The following WDPCP variants were observed in gnomAD, a reference collection of about 807,000 sequenced individuals.
The protein encoded by WDPCP is WD repeat containing planar cell polarity effector.
In WDPCP, 71 loss-of-function variants were observed where a neutral mutation model predicts 93.1. That is an observed-to-expected ratio of 0.76 (90% CI 0.63 to 0.93). The LOEUF (loss-of-function observed/expected upper bound fraction) is 0.93. Among genes scored for constraint, WDPCP ranks in the 40% least tolerant of loss-of-function variants. The probability of loss-of-function intolerance (pLI) is 0.00; values close to 1 mark genes in which losing one functional copy is unlikely to be tolerated. For missense variants in WDPCP, 844 were observed against 887.4 expected, an observed-to-expected ratio of 0.95 and a Z score of 0.62; for synonymous variants, 315 against 315.0, an observed-to-expected ratio of 1.00 and a Z score of 0.00.
At position 63,626,975 on chromosome 2, in the gene WDPCP, TA is replaced by T. The variant is rs557315558; in HGVS notation, n.488+23683del. Reference sequence around the variant, plus strand: ...TGTATCCCAGAACTTAAAGCATAATTAAAAAAAAAAAAAGCCCAAGAGAATA... The same window carrying T: ...TGTATCCCAGAACTTAAAGCATAATTAAAAAAAAAAAAGCCCAAGAGAATA... On this transcript the variant is annotated intron_variant and non_coding_transcript_variant, in intron 3 of 4. Coordinates refer to the WDPCP transcript ENST00000467687. 3.4e-3 allele frequency among the ~76,000 whole-genome samples: 451 copies of T among 133,134 alleles called. 2 individuals are homozygous for T. The highest frequency in any genetic ancestry group is 5.8e-3 in the South Asian group (24 of 4,150). 87.3% of individuals were successfully genotyped at this position (133,134 alleles called of 152,430 possible).
intron 12 of WDPCP, among the ~76,000 whole-genome samples, chr2:63,357,794 G>A (rs1282949997): frequency 2.0e-5 from 3 of 152,104 alleles, no homozygotes; most frequent in Non-Finnish European, 4.4e-5. Context: ...CTACCATAAA[G>A]ACACATGCAT....
intron 3 of WDPCP, chr2:63,604,764 G>T (rs536307600): frequency 6.2e-7 from 1 of 1,614,094 alleles, no homozygotes; most frequent in Non-Finnish European, 8.5e-7. Context: ...ACCATTCCTC[G>T]ACTCAGTATC....
At position 63,297,588 on chromosome 2, in the gene WDPCP, A is replaced by T. The variant is rs2103683115; in HGVS notation, c.1812+15660T>A. ...CAAACTACAACAACAAAAAAGAATA[A>T]CAAATATAATGACAATCTCACTGGA... On this transcript the variant is annotated intron_variant, in intron 13 of 17. Transcript: ENST00000272321. Among the ~76,000 whole-genome samples the T allele has an allele frequency of 1.3e-5, 2 of 152,314 alleles. 1 individual carries two copies. The highest frequency in any genetic ancestry group is 4.1e-4 in the South Asian group (2 of 4,822).
At chr2:63,338,012 ATTT>A (rs1688512215) in intron 12 of WDPCP, among the ~76,000 whole-genome samples, 1 of 152,074 alleles carries the variant, frequency 6.6e-6, no homozygotes, top group Admixed American at 6.5e-5. Context: ...AGGTAATCTC[ATTT>A]GTCTATTTTT....
chr2:63,684,430 G>A lies in WDPCP; in HGVS notation n.309-33592C>T. The A allele has an allele frequency of 8.2e-6, 7 of 849,770 alleles. No homozygotes were observed. The South Asian group carries it at 9.3e-5, about 11-fold the overall frequency. 52.6% of individuals were successfully genotyped at this position (849,770 alleles called of 1,614,324 possible). On this transcript the variant is annotated intron_variant and non_coding_transcript_variant, in intron 2 of 4. Coordinates refer to the WDPCP transcript ENST00000467687. ...TCAGATCGCCCCTACAGCCACCTCT[G>A]GTGGCTGGAATTGACTGCTACCCCC...
intron 14 of WDPCP, among the ~76,000 whole-genome samples, chr2:63,203,861 G>A (rs201701240): frequency 2.6e-5 from 4 of 152,136 alleles, no homozygotes; most frequent in East Asian, 1.9e-4. Context: ...AGTTCCATCC[G>A]TGTTGTTGCA....
intron 2 of WDPCP, among the ~76,000 whole-genome samples, chr2:63,795,079 T>C (rs1207819289): frequency 6.6e-6 from 1 of 152,236 alleles, no homozygotes; most frequent in African/African-American, 2.4e-5. Flanking sequence ...AGCCTTCTTA[T>C]TATCTGATTA....
At chr2:63,642,461 TTC>T (rs1181500701) in intron 3 of WDPCP, 11 of 64,892 alleles carry the variant, frequency 1.7e-4, no homozygotes, top group East Asian at 1.1e-3. Flanking sequence ...TATCTTTTCT[TTC>T]TTTTTTTTTT....
chr2:63,536,787 T>TTTTTTTTC lies in WDPCP; in HGVS notation c.76-43848_76-43847insGAAAAAAA, dbSNP rs1704313840. ...GATTCTTCATGCTTTTTTTTTTTTT[T>TTTTTTTTC]TTGATGGAATCTCTGTTACCCAGGC... On this transcript the variant is annotated intron_variant, in intron 1 of 17. Transcript: ENST00000272321. Among the ~76,000 whole-genome samples, 2 of 147,390 alleles carry TTTTTTTTC rather than the reference T, an allele frequency of 1.4e-5. 1 individual carries two copies. Among genetic ancestry groups the TTTTTTTTC allele is most frequent in the African/African-American group, 5.0e-5 (2 of 39,680 alleles).
intron 1 of WDPCP, among the ~76,000 whole-genome samples, chr2:63,568,370 C>G (rs1707233841): frequency 6.6e-6 from 1 of 151,532 alleles, no homozygotes; most frequent in Non-Finnish European, 1.5e-5. Context: ...AAAAACCTCT[C>G]TCTCTAAAGA....
chr2:63,591,317 T>G (rs1018792071), upstream of WDPCP, among the ~76,000 whole-genome samples: 3 of 152,234 alleles, frequency 2.0e-5, no homozygotes, highest in Non-Finnish European at 4.4e-5. Flanking sequence ...CATGGACTTT[T>G]CTTTCTCTGT....
chr2:63,731,951 T>C (rs1669567488), intron 2 of WDPCP, among the ~76,000 whole-genome samples: 1 of 152,184 alleles, frequency 6.6e-6, no homozygotes, highest in African/African-American at 2.4e-5. Flanking sequence ...TGTAAGACTA[T>C]GAAAAGCAGA....
rs544928834 is a variant in WDPCP at position 63,576,616 on chromosome 2, T to C, written c.75+11581A>G. On this transcript the variant is annotated intron_variant, in intron 1 of 17. Transcript: ENST00000272321. ...ATGTAGGCATGATTGATTAGATCAA[T>C]AGTCATGAGAGAATCTATCCAACCT... Among the ~76,000 whole-genome samples, 4 of 152,288 alleles carry C rather than the reference T, an allele frequency of 2.6e-5. No homozygotes were observed. In the East Asian group the frequency reaches 5.8e-4, roughly 22 times the overall value.
chr2:63,502,305 TAATA>T (rs1701608983), intron 1 of WDPCP, among the ~76,000 whole-genome samples: 1 of 152,232 alleles, frequency 6.6e-6, no homozygotes, highest in Non-Finnish European at 1.5e-5. Context: ...TCCATTCTCT[TAATA>T]AATAACCATC....
intron 12 of WDPCP, among the ~76,000 whole-genome samples, chr2:63,322,909 G>T (rs1319143475): frequency 6.6e-6 from 1 of 152,164 alleles, no homozygotes; most frequent in Admixed American, 6.5e-5. Flanking sequence ...GGCACCTGTC[G>T]GCCAGTTAAA....
rs1422896710 is a variant in WDPCP at position 63,433,758 on chromosome 2, TGA to T, written c.810_811del (p.Gln271ArgfsTer44). 6.2e-7 allele frequency: 1 copy of T among 1,613,050 alleles called. No homozygotes were observed. Among genetic ancestry groups the T allele is most frequent in the East Asian group, 2.2e-5 (1 of 44,868 alleles). ...TTTTAGATTTACCTCTAGTCTTCCT[TGA>T]GCATAACCCAGGAGGAGTAGATTGG... is the stretch of plus-strand genomic sequence containing the variant. On this transcript the variant is annotated frameshift_variant, in exon 9 of 18. Transcript: ENST00000272321. LOFTEE classifies it high-confidence loss of function.
In WDPCP at chr2:63,279,886, G is replaced by GA. The variant is rs1179656323; in HGVS notation, c.1813-20478dup. Among the ~76,000 whole-genome samples, 146 of 151,168 alleles carry GA rather than the reference G, an allele frequency of 9.7e-4. 2 individuals carry two copies. Among genetic ancestry groups the GA allele is most frequent in the African/African-American group, 3.2e-3 (132 of 41,332 alleles). ...AGCTGCAAAAAAAAGGAAAAGGAAAGAAAAAAAAGAAAATACTTAGGAATA... is the reference window on the plus strand; with the variant it reads ...AGCTGCAAAAAAAAGGAAAAGGAAAGAAAAAAAAAGAAAATACTTAGGAATA... On this transcript the variant is annotated intron_variant, in intron 13 of 17. Transcript: ENST00000272321.
chr2:63,164,606 A>C (rs762319295), intron 15 of WDPCP, among the ~76,000 whole-genome samples: 2 of 152,166 alleles, frequency 1.3e-5, no homozygotes, highest in Non-Finnish European at 2.9e-5. Flanking sequence ...CTTCCTGTAC[A>C]GCCTGAGTAA....
intron 13 of WDPCP, among the ~76,000 whole-genome samples, chr2:63,274,114 T>C (rs543889652): frequency 8.6e-5 from 13 of 151,978 alleles, no homozygotes; most frequent in African/African-American, 3.1e-4. Flanking sequence ...ACAAAACAAC[T>C]CTCAACAAAT....
Sources: gnomAD v4.1 joint callset for allele counts (sites outside exome capture counted in the v4.1 genomes callset) on GRCh38, gnomAD v4.1.1 for gene constraint, MANE v1.5 for transcripts, NCBI Gene and HGNC (gene_info 2026-07-23, HGNC 2026-07-21) for gene names.